The following GGT1 variants were observed in gnomAD, a reference collection of about 807,000 sequenced individuals.
GGT1 encodes the protein glutathione hydrolase 1 proenzyme.
A neutral mutation model predicts 56.0 loss-of-function variants in GGT1; 21 were observed. The observed-to-expected ratio is 0.38, with a 90% confidence interval of 0.27 to 0.54. The LOEUF is 0.54. Ranked by LOEUF, GGT1 falls within the 20% of genes least tolerant of loss-of-function variation. GGT1 has a pLI of 0.82. For synonymous variants in GGT1, 238 were observed against 342.6 expected (o/e 0.69, Z 3.37); for missense variants, 466 against 787.0 (o/e 0.59, Z 4.88).
chr22:24,611,494 GTTATTT>G (rs2046652864), intron 5 of GGT1, among the ~76,000 whole-genome samples: 1 of 151,804 alleles, frequency 6.6e-6, no homozygotes, highest in South Asian at 2.1e-4. Context: ...TTGTTTGGTT[GTTATTT>G]TTACTTATTT....
chr22:24,607,863 GCT>G, intron 1 of GGT1, 89 bp from the exon 2 acceptor site: 1 of 407,956 alleles, frequency 2.5e-6, no homozygotes, highest in Middle Eastern at 8.8e-4. Context: ...CACAGGCGTG[GCT>G]CTGAGCCACT....
the GGT1 span, chr22:24,588,595 T>C: frequency 1.0e-5 from 10 of 955,968 alleles, no homozygotes; most frequent in Non-Finnish European, 8.4e-6. Flanking sequence ...AATGAGCCCT[T>C]GTTCCCTGTC....
At chr22:24,604,492 T>C (rs936146842) in intron 1 of GGT1, among the ~76,000 whole-genome samples, 12 of 152,154 alleles carry the variant, frequency 7.9e-5, no homozygotes, top group Admixed American at 3.9e-4. Flanking sequence ...GTTGTGTGTG[T>C]GCGCACGTGC....
At chr22:24,592,245 C>T (rs906608410), upstream of GGT1, 6 of 460,094 alleles carry the variant, frequency 1.3e-5, no homozygotes, top group Admixed American at 7.1e-5. Context: ...GAGCCACCAC[C>T]GGACCGAGTG....
chr22:24,611,690 C>T (rs1474106968), intron 5 of GGT1, among the ~76,000 whole-genome samples: 7 of 151,858 alleles, frequency 4.6e-5, no homozygotes, highest in East Asian at 3.9e-4. Flanking sequence ...CTGCAACCTC[C>T]GCCTCCCAAG....
At chr22:24,613,437 G>T (rs1297469881) in intron 5 of GGT1, among the ~76,000 whole-genome samples, 2 of 152,158 alleles carry the variant, frequency 1.3e-5, no homozygotes. Context: ...TAAAAGTCAT[G>T]TACATTTGTT....
chr22:24,590,444 G>C (rs896622252), upstream of GGT1, among the ~76,000 whole-genome samples: 1 of 152,160 alleles, frequency 6.6e-6, no homozygotes, highest in Admixed American at 6.5e-5. Context: ...GTAGAGGGGA[G>C]GGACATGGGA....
chr22:24,627,170 G>A (rs1428461008), intron 11 of GGT1: 51 of 1,020,854 alleles, frequency 5.0e-5, no homozygotes, highest in East Asian at 8.1e-5. Context: ...TTTGCATGAA[G>A]GAATGAGTGA....
upstream of GGT1, among the ~76,000 whole-genome samples, chr22:24,593,707 A>C (rs1160363495): frequency 6.6e-6 from 1 of 152,000 alleles, no homozygotes; most frequent in Admixed American, 6.5e-5. Context: ...GAATCAATTG[A>C]ACCTGGGAGG....
chr22:24,597,097 C>G (rs1434937388), intron 1 of GGT1, among the ~76,000 whole-genome samples: 1 of 151,544 alleles, frequency 6.6e-6, no homozygotes, highest in Non-Finnish European at 1.5e-5. Context: ...ATTCTCCTGC[C>G]TCAGCCTTCC....
In GGT1 at chr22:24,626,907, C is replaced by T. The variant is rs553875157; in HGVS notation, c.1021-525C>T. On this transcript the variant is annotated intron_variant, in intron 11 of 15. Coordinates refer to ENST00000400382, the MANE Select transcript of GGT1 (RefSeq NM_001288833.2). ...TCTGCCTATCACTCACCAGCCTATA[C>T]CACCTGCCTCAGGGCCTTTGCACTG... 3.0e-3 allele frequency among the ~76,000 whole-genome samples: 456 copies of T among 150,170 alleles called. 5 individuals carry two copies. The highest frequency in any genetic ancestry group is 0.01 in the African/African-American group (415 of 40,108).
intron 1 of GGT1, among the ~76,000 whole-genome samples, chr22:24,595,639 A>C (rs1158697572): frequency 6.6e-6 from 1 of 152,246 alleles, no homozygotes; most frequent in Non-Finnish European, 1.5e-5. Context: ...GCTAGACCTC[A>C]GGCCCTGATG....
In GGT1 at chr22:24,627,573, G is replaced by T. The variant is rs761538704; in HGVS notation, c.1162G>T (p.Ala388Ser). ...DGGTAHLSVV[A>S]EDGSAVSATS... ...GGGCACTGCTCACCTGTCTGTCGTC[G>T]CAGAGGACGGCAGTGCTGTGTCCGC... Residue 388 changes from alanine (A) to serine (S), a missense_variant, in exon 12 of 16, where the codon GCA (alanine) becomes TCA (serine). By Grantham distance (99) the Ala-to-Ser change is moderately conservative (BLOSUM62 1). Around this residue, in one of 2 missense-constraint regions of GGT1, gnomAD observed 456 missense variants for 716.7 expected, o/e 0.64. Coordinates refer to ENST00000400382, the MANE Select transcript of GGT1 (RefSeq NM_001288833.2). The T allele has an allele frequency of 1.9e-6, 3 of 1,610,594 alleles. No homozygotes were observed. The highest frequency in any genetic ancestry group is 1.1e-5 in the South Asian group (1 of 90,846).
chr22:24,627,088 A>G (rs9624513), intron 11 of GGT1: 9,142 of 545,876 alleles, frequency 0.017, 103 homozygotes, highest in African/African-American at 0.033. Flanking sequence ...TTGGCATGAG[A>G]GCAGGACCTA....
rs1419928868 is a variant in GGT1 at position 24,605,757 on chromosome 22, TATA to T, written c.-428-2196_-428-2194del. Among the ~76,000 whole-genome samples the T allele has an allele frequency of 4.3e-5, 3 of 69,252 alleles. 1 individual carries two copies. The highest frequency in any genetic ancestry group is 6.7e-5 in the Non-Finnish European group (3 of 44,710). 45.4% of individuals were successfully genotyped at this position (69,252 alleles called of 152,430 possible). ...ATATTATATAATGTGTATTATATAT[TATA>T]TAATATTATATAATGTGTATTATAT... On this transcript the variant is annotated intron_variant, in intron 1 of 15. Coordinates refer to ENST00000400382, the MANE Select transcript of GGT1 (RefSeq NM_001288833.2).
chr22:24,628,145 G>A lies in GGT1; in HGVS notation c.1401G>A (p.Met467Ile), dbSNP rs1281315722. The change falls in exon 14 of 16, where the codon ATG (methionine) becomes ATA (isoleucine). Residue 467 changes from methionine (M) to isoleucine (I), a missense_variant. Physicochemically the swap from Met to Ile is conservative, Grantham distance 10. Around this residue, in one of 2 missense-constraint regions of GGT1, gnomAD observed 456 missense variants for 716.7 expected, o/e 0.64. Coordinates refer to ENST00000400382, the MANE Select transcript of GGT1 (RefSeq NM_001288833.2). This position sits in a 1 kb window ranked among gnomAD's most constrained non-coding sequence, Gnocchi z 5.7. ...IMVGQDGQVR[M>I]VVGAAGGTQI... Reference sequence around the variant, plus strand: ...TGGGCCAGGACGGCCAGGTCCGGATGGTGGTGGGAGCTGCTGGGGGCACAC... The same window carrying A: ...TGGGCCAGGACGGCCAGGTCCGGATAGTGGTGGGAGCTGCTGGGGGCACAC... The A allele has an allele frequency of 6.2e-7, 1 of 1,612,016 alleles. No homozygotes were observed. Among genetic ancestry groups the A allele is most frequent in the Non-Finnish European group, 8.5e-7 (1 of 1,179,860 alleles).
At position 24,605,188 on chromosome 22, in the gene GGT1, T is replaced by C. The variant is rs1197008274; in HGVS notation, c.-429+1661T>C. Among the ~76,000 whole-genome samples the C allele has an allele frequency of 2.0e-4, 14 of 69,414 alleles. 1 individual carries two copies. The South Asian group carries it at 3.6e-3, about 18-fold the overall frequency. 45.5% of individuals were successfully genotyped at this position (69,414 alleles called of 152,430 possible). On this transcript the variant is annotated intron_variant, in intron 1 of 15. Transcript: ENST00000400382. ...ATATTATATAATATGTAATATATTA[T>C]ATAATATATAATATGTATTATATTA...
At chr22:24,603,777 C>T (rs2045853043) in intron 1 of GGT1, among the ~76,000 whole-genome samples, 1 of 149,800 alleles carries the variant, frequency 6.7e-6, no homozygotes, top group Non-Finnish European at 1.5e-5. Flanking sequence ...GGGGTCAGCT[C>T]TGGAGTAGAG....
intron 1 of GGT1, among the ~76,000 whole-genome samples, chr22:24,607,161 G>T (rs1238496273): frequency 1.3e-5 from 2 of 152,094 alleles, no homozygotes; most frequent in Admixed American, 6.5e-5. Flanking sequence ...GGGCTGTTCG[G>T]GTGGTTCCTT....
Sources: allele counts gnomAD v4.1 joint callset (sites outside exome capture counted in the v4.1 genomes callset), GRCh38; gene constraint gnomAD v4.1.1; regional missense constraint gnomAD v4.1.1; non-coding constraint Gnocchi (gnomAD v3.1); transcripts MANE v1.5; gene names NCBI Gene and HGNC (gene_info 2026-07-23, HGNC 2026-07-21).